Variants in TUSC3 observed in about 807,000 individuals in gnomAD.
The protein encoded by TUSC3 is dolichyl-diphosphooligosaccharide--protein glycosyltransferase subunit TUSC3.
A neutral mutation model predicts 44.8 loss-of-function variants in TUSC3; 45 were observed. That is an observed-to-expected ratio of 1.00 (90% CI 0.79 to 1.29). The LOEUF (loss-of-function observed/expected upper bound fraction) is 1.29. Ranked by LOEUF, TUSC3 falls within the 50% of genes most tolerant of loss-of-function variation. TUSC3 has a pLI of 0.00. For missense variants in TUSC3, 519 were observed against 437.9 expected (o/e 1.19, Z -1.65); for synonymous variants, 212 against 152.9 (o/e 1.39, Z -2.85).
chr8:15,627,995 A>G (rs1474954555), intron 2 of TUSC3, among the ~76,000 whole-genome samples: 2 of 152,318 alleles, frequency 1.3e-5, no homozygotes, highest in Non-Finnish European at 2.9e-5. Context: ...GCGACACCCC[A>G]AGGATCCCGT....
chr8:15,621,563 A>G (rs1805246306), intron 1 of TUSC3, among the ~76,000 whole-genome samples: 1 of 147,798 alleles, frequency 6.8e-6, no homozygotes, highest in Admixed American at 6.8e-5. Context: ...TTATATATAT[A>G]TATTTAACTC....
chr8:15,546,930 G>T (rs899250162), intron 1 of TUSC3, among the ~76,000 whole-genome samples: 58 of 151,530 alleles, frequency 3.8e-4, no homozygotes, highest in African/African-American at 1.4e-3. Context: ...TTTAATGTTG[G>T]AAGGCACAAG....
intron 6 of TUSC3, among the ~76,000 whole-genome samples, chr8:15,717,310 G>T (rs186214992): frequency 7.7e-4 from 117 of 152,178 alleles, no homozygotes; most frequent in African/African-American, 2.7e-3. Flanking sequence ...TTTTTGAGAT[G>T]AATCAGGAAA....
At chr8:15,674,247 T>C (rs1808084559) in intron 6 of TUSC3, among the ~76,000 whole-genome samples, 1 of 152,014 alleles carries the variant, frequency 6.6e-6, no homozygotes, top group Admixed American at 6.6e-5. Context: ...GGGTGGTCAT[T>C]GTATTAGAAT....
chr8:15,526,096 C>A (rs1049340795), intron 2 of TUSC3, among the ~76,000 whole-genome samples: 1 of 151,718 alleles, frequency 6.6e-6, no homozygotes, highest in African/African-American at 2.4e-5. Context: ...GCAGTGGCAC[C>A]ATCTCGGCTC....
chr8:15,821,539 TA>T, the TUSC3 span, among the ~76,000 whole-genome samples: 23 of 151,756 alleles, frequency 1.5e-4, no homozygotes, highest in African/African-American at 5.6e-4. Context: ...TCTGCTTTTT[TA>T]CCCCACTATA....
chr8:15,832,507 T>C, the TUSC3 span, among the ~76,000 whole-genome samples: 3 of 152,154 alleles, frequency 2.0e-5, no homozygotes, highest in African/African-American at 7.2e-5. Flanking sequence ...TAAAGAACTA[T>C]GACCCATTGG....
intron 2 of TUSC3, among the ~76,000 whole-genome samples, chr8:15,524,437 A>C (rs1208721087): frequency 6.6e-6 from 1 of 152,200 alleles, no homozygotes; most frequent in African/African-American, 2.4e-5. Flanking sequence ...AACTTATAAC[A>C]GTAATAACGT....
chr8:15,677,687 G>A (rs1419381753), intron 6 of TUSC3, among the ~76,000 whole-genome samples: 1 of 152,240 alleles, frequency 6.6e-6, no homozygotes, highest in South Asian at 2.1e-4. Flanking sequence ...ATAAGGCAAA[G>A]AGGGAAGGTG....
intron 1 of TUSC3, among the ~76,000 whole-genome samples, chr8:15,582,299 G>T (rs762640086): frequency 1.3e-5 from 2 of 152,300 alleles, no homozygotes; most frequent in Non-Finnish European, 2.9e-5. Context: ...GCTGTAGACC[G>T]GAGCTGTTCC....
chr8:15,508,940 A>T (rs1029237472), intron 2 of TUSC3, among the ~76,000 whole-genome samples: 2 of 152,186 alleles, frequency 1.3e-5, no homozygotes, highest in African/African-American at 4.8e-5. Context: ...TAGGAATTTG[A>T]AAGTTTAGAA....
At chr8:15,532,866 C>G (rs1414259961) in intron 2 of TUSC3, among the ~76,000 whole-genome samples, 1 of 152,162 alleles carries the variant, frequency 6.6e-6, no homozygotes, top group Non-Finnish European at 1.5e-5. Flanking sequence ...GATCTCCGCT[C>G]ACTGCAACCT....
chr8:15,575,954 A>C (rs1431425398), intron 1 of TUSC3, among the ~76,000 whole-genome samples: 1 of 139,758 alleles, frequency 7.2e-6, no homozygotes, highest in Non-Finnish European at 1.6e-5. Flanking sequence ...TATATTCAAT[A>C]ATATATTGTG....
the TUSC3 span, among the ~76,000 whole-genome samples, chr8:15,829,918 G>A: frequency 3.9e-5 from 6 of 152,126 alleles, no homozygotes; most frequent in East Asian, 1.2e-3. Flanking sequence ...CCAGCAGTGT[G>A]TAAGTATTCC....
intron 6 of TUSC3, among the ~76,000 whole-genome samples, chr8:15,728,651 GT>G (rs896997291): frequency 2.0e-5 from 3 of 152,088 alleles, no homozygotes; most frequent in African/African-American, 7.2e-5. Context: ...CAGGAGTTTC[GT>G]TTTAGCTGTT....
chr8:15,493,897 T>C (rs1800844035), intron 2 of TUSC3, among the ~76,000 whole-genome samples: 1 of 152,220 alleles, frequency 6.6e-6, no homozygotes, highest in Non-Finnish European at 1.5e-5. Flanking sequence ...AGTATCCTGA[T>C]GATTTCCACT....
At chr8:15,845,023 T>G in the TUSC3 span, among the ~76,000 whole-genome samples, 7 of 152,046 alleles carry the variant, frequency 4.6e-5, no homozygotes, top group African/African-American at 1.7e-4. Context: ...GAAAATGCAG[T>G]TAATCAAATG....
chr8:15,836,203 T>C, the TUSC3 span, among the ~76,000 whole-genome samples: 2 of 151,970 alleles, frequency 1.3e-5, no homozygotes, highest in Non-Finnish European at 2.9e-5. Context: ...CAGCTGGGCA[T>C]GGTAGTACAT....
chr8:15,539,552 T>A (rs1023136380), upstream of TUSC3, among the ~76,000 whole-genome samples: 46 of 151,904 alleles, frequency 3.0e-4, no homozygotes, highest in Non-Finnish European at 6.0e-4. Flanking sequence ...GGTTTCCCCA[T>A]GTTACGGCAG....
Sources: allele counts gnomAD v4.1 joint callset (sites outside exome capture counted in the v4.1 genomes callset), GRCh38; gene constraint gnomAD v4.1.1; transcripts MANE v1.5; gene names NCBI Gene and HGNC (gene_info 2026-07-23, HGNC 2026-07-21).